KCNQ1OT1: variants seen among roughly 807,000 people sequenced by gnomAD.
KCNQ1OT1 encodes the protein KCNQ1 opposite strand/antisense transcript 1.
exon 1 of KCNQ1OT1, chr11:2,684,458 A>G: frequency 2.5e-6 from 1 of 398,654 alleles, no homozygotes; most frequent in Non-Finnish European, 4.4e-6. Context: ...TTTTGGCAAA[A>G]AGACTATGCT....
In KCNQ1OT1 at chr11:2,664,826, G is replaced by A; in HGVS notation, n.35169C>T. The stretch of plus-strand genomic sequence containing the variant: ...TTCCATTTTTCTTCAGCATTCTACT[G>A]ATGTTAAATGTATTACCATGCTGGG... On this transcript the variant is annotated non_coding_transcript_exon_variant, in exon 1 of 1. Coordinates refer to ENST00000597346, the Ensembl canonical transcript of KCNQ1OT1. The surrounding 1 kb of genome is among the most constrained non-coding windows in gnomAD (Gnocchi z 5.1). The A allele has an allele frequency of 5.0e-6, 2 of 398,684 alleles. No individual in the cohort carries two copies. Among genetic ancestry groups the A allele is most frequent in the Non-Finnish European group, 8.8e-6 (2 of 226,100 alleles). 24.7% of individuals were successfully genotyped at this position (398,684 alleles called of 1,614,324 possible).
rs1849769625 is a variant in KCNQ1OT1 at position 2,652,308 on chromosome 11, T to C, written n.47687A>G. ...CAAGGCTTCTCCCTCACTAATTGCTTTGATTATTGTGTGAAGTTAAGAACT... is the reference window on the plus strand; with the variant it reads ...CAAGGCTTCTCCCTCACTAATTGCTCTGATTATTGTGTGAAGTTAAGAACT... On this transcript the variant is annotated non_coding_transcript_exon_variant, in exon 1 of 1. Transcript: ENST00000597346. This position sits in a 1 kb window ranked among gnomAD's most constrained non-coding sequence, Gnocchi z 5.9. 1 of 398,526 alleles carries C rather than the reference T, an allele frequency of 2.5e-6. No individual in the cohort carries two copies. Among genetic ancestry groups the C allele is most frequent in the South Asian group, 1.3e-4 (1 of 7,864 alleles). 24.7% of individuals were successfully genotyped at this position (398,526 alleles called of 1,614,324 possible).
At position 2,632,139 on chromosome 11, in the gene KCNQ1OT1, C is replaced by T. The variant is rs570248409; in HGVS notation, n.67856G>A. 8.0e-4 allele frequency: 313 copies of T among 391,142 alleles called. No homozygotes were observed. The highest frequency in any genetic ancestry group is 6.1e-4 in the Non-Finnish European group (138 of 224,854). 24.2% of individuals were successfully genotyped at this position (391,142 alleles called of 1,614,324 possible). A position where few individuals can be genotyped will look rare whatever the true frequency, so the allele number is the denominator to read the frequency against. On this transcript the variant is annotated non_coding_transcript_exon_variant, in exon 1 of 1. Coordinates refer to ENST00000597346, the Ensembl canonical transcript of KCNQ1OT1. ...CAGAGCTTGCAGTGAGCCGAGATCG[C>T]GCCACTACACTCTAGCCTGGGCGAC...
In KCNQ1OT1 at chr11:2,659,007, T is replaced by C. The variant is rs1849902280; in HGVS notation, n.40988A>G. The C allele has an allele frequency of 2.5e-6, 1 of 398,664 alleles. No individual in the cohort carries two copies. 24.7% of individuals were successfully genotyped at this position (398,664 alleles called of 1,614,324 possible). ...AAACAGTGTTTTTGAAAGCAACATA[T>C]GCCAGCTCCTCCTCCTCCTTTCCTT... On this transcript the variant is annotated non_coding_transcript_exon_variant, in exon 1 of 1. Transcript: ENST00000597346. The surrounding 1 kb of genome is among the most constrained non-coding windows in gnomAD (Gnocchi z 4.3).
exon 1 of KCNQ1OT1, chr11:2,697,340 A>G (rs931900530): frequency 2.5e-6 from 1 of 398,514 alleles, no homozygotes; most frequent in African/African-American, 2.1e-5. Context: ...TATGAGCTAC[A>G]CTAAGTTTTA....
At position 2,613,597 on chromosome 11, in the gene KCNQ1OT1, T is replaced by C. The variant is rs140152372; in HGVS notation, n.86398A>G. 8.6e-4 allele frequency: 342 copies of C among 398,600 alleles called. 4 individuals are homozygous for C. In the East Asian group the frequency reaches 0.011, roughly 13 times the overall value. The allele number at this position is 398,600 out of a possible 1,614,324, so 24.7% of individuals were successfully genotyped here. ...TTTCTTTAATTAGCACTTTTCAATT[T>C]TATATTTCTTTGTCCAGTTTTATCA... On this transcript the variant is annotated non_coding_transcript_exon_variant, in exon 1 of 1. Coordinates refer to ENST00000597346, the Ensembl canonical transcript of KCNQ1OT1. The surrounding 1 kb of genome is among the most constrained non-coding windows in gnomAD (Gnocchi z 4.8).
At position 2,613,447 on chromosome 11, in the gene KCNQ1OT1, T is replaced by C. The variant is rs1323008776; in HGVS notation, n.86548A>G. On this transcript the variant is annotated non_coding_transcript_exon_variant, in exon 1 of 1. Transcript: ENST00000597346. The surrounding 1 kb of genome is among the most constrained non-coding windows in gnomAD (Gnocchi z 4.8). ...ATAGTGCATAGGGTTTTCTATGGAA[T>C]TCAAAATCAGATGAGCCTTCTTTGT... 7 of 398,496 alleles carry C rather than the reference T, an allele frequency of 1.8e-5. No individual in the cohort carries two copies. The highest frequency in any genetic ancestry group is 8.2e-5 in the African/African-American group (4 of 48,624). The allele number at this position is 398,496 out of a possible 1,614,324, so 24.7% of individuals were successfully genotyped here. A position where few individuals can be genotyped will look rare whatever the true frequency, so the allele number is the denominator to read the frequency against.
rs184504881 is a variant in KCNQ1OT1 at position 2,640,524 on chromosome 11, G to A, written n.59471C>T. On this transcript the variant is annotated non_coding_transcript_exon_variant, in exon 1 of 1. Coordinates refer to ENST00000597346, the Ensembl canonical transcript of KCNQ1OT1. The stretch of plus-strand genomic sequence containing the variant: ...TGGTCTTGAATTCCTGGGCTCAAGC[G>A]ATCCTTCTGCCTTGGCCCCCCAAAG... 172 of 397,198 alleles carry A rather than the reference G, an allele frequency of 4.3e-4. 1 individual carries two copies. The highest frequency in any genetic ancestry group is 4.9e-5 in the Non-Finnish European group (11 of 225,968). 24.6% of individuals were successfully genotyped at this position (397,198 alleles called of 1,614,324 possible). A position where few individuals can be genotyped will look rare whatever the true frequency, so the allele number is the denominator to read the frequency against.
Position 2,640,008 on chromosome 11 carries a change from G to T in KCNQ1OT1, n.59987C>A, listed in dbSNP as rs143627693. On this transcript the variant is annotated non_coding_transcript_exon_variant, in exon 1 of 1. Coordinates refer to ENST00000597346, the Ensembl canonical transcript of KCNQ1OT1. ...CATGGGCGTGGGACCCTCCGAGCCA[G>T]GCGCGGGATATAATCTCCTGGTGTG... 5.0e-3 allele frequency: 793 copies of T among 157,948 alleles called. 6 individuals carry two copies. The highest frequency in any genetic ancestry group is 0.043 in the South Asian group (209 of 4,894). The allele number at this position is 157,948 out of a possible 1,614,324, so 9.8% of individuals were successfully genotyped here.
rs187098462 is a variant in KCNQ1OT1 at position 2,649,229 on chromosome 11, G to A, written n.50766C>T. ...CTACATTCAAGATTGTTATCAATAG[G>A]TGAGGACTTACTCCTGTCATTTTAT... On this transcript the variant is annotated non_coding_transcript_exon_variant, in exon 1 of 1. Transcript: ENST00000597346. 1.3e-5 allele frequency: 5 copies of A among 398,080 alleles called. No individual in the cohort carries two copies. In the East Asian group the frequency reaches 1.4e-4, roughly 11 times the overall value. The allele number at this position is 398,080 out of a possible 1,614,324, so 24.7% of individuals were successfully genotyped here. A position where few individuals can be genotyped will look rare whatever the true frequency, so the allele number is the denominator to read the frequency against.
rs1048892425 is a variant in KCNQ1OT1 at position 2,609,626 on chromosome 11, T to C, written n.90369A>G. On this transcript the variant is annotated non_coding_transcript_exon_variant, in exon 1 of 1. Coordinates refer to ENST00000597346, the Ensembl canonical transcript of KCNQ1OT1. ...CATTATTGAAAGTGGAGTGTTGAAG[T>C]CTCCAACTACTATTGTTGAATTGGC... The C allele has an allele frequency of 5.5e-5, 22 of 398,302 alleles. No homozygotes were observed. The Admixed American group carries it at 8.8e-4, about 16-fold the overall frequency. 24.7% of individuals were successfully genotyped at this position (398,302 alleles called of 1,614,324 possible).
chr11:2,641,081 T>C, exon 1 of KCNQ1OT1: 1 of 398,524 alleles, frequency 2.5e-6, no homozygotes, highest in Non-Finnish European at 4.4e-6. Flanking sequence ...TACACTTAGG[T>C]TCCTGAGTCC....
exon 1 of KCNQ1OT1, chr11:2,699,970 G>C (rs574155310): frequency 2.5e-6 from 1 of 398,230 alleles, no homozygotes; most frequent in African/African-American, 2.1e-5. Flanking sequence ...GGAGGTCCGT[G>C]CTGAGGCGAC....
Position 2,670,199 on chromosome 11 carries a change from A to G in KCNQ1OT1, n.29796T>C. 2.5e-6 allele frequency: 1 copy of G among 398,602 alleles called. No homozygotes were observed. Among genetic ancestry groups the G allele is most frequent in the Non-Finnish European group, 4.4e-6 (1 of 226,078 alleles). 24.7% of individuals were successfully genotyped at this position (398,602 alleles called of 1,614,324 possible). A position where few individuals can be genotyped will look rare whatever the true frequency, so the allele number is the denominator to read the frequency against. ...GCACCCACATTAAAGCAGAGTGAAG[A>G]GCAGGGCGAGCTGTGTAGCTCACCT... is the stretch of plus-strand genomic sequence containing the variant. On this transcript the variant is annotated non_coding_transcript_exon_variant, in exon 1 of 1. Coordinates refer to ENST00000597346, the Ensembl canonical transcript of KCNQ1OT1. The surrounding 1 kb of genome is among the most constrained non-coding windows in gnomAD (Gnocchi z 4.9).
At chr11:2,610,911 G>T in exon 1 of KCNQ1OT1, 1 of 398,072 alleles carries the variant, frequency 2.5e-6, no homozygotes, top group African/African-American at 2.1e-5. Flanking sequence ...TAGTAGTTGG[G>T]TAATAGTTCA....
At chr11:2,688,120 G>T in exon 1 of KCNQ1OT1, 1 of 398,894 alleles carries the variant, frequency 2.5e-6, no homozygotes, top group Non-Finnish European at 4.4e-6. Context: ...GTGGGGGTGG[G>T]GATACAGGCT....
At chr11:2,646,856 T>C (rs1205448706) in exon 1 of KCNQ1OT1, 3 of 398,556 alleles carry the variant, frequency 7.5e-6, no homozygotes, top group African/African-American at 4.1e-5. Context: ...CCTGCAACTT[T>C]ATTGAATTCC....
At chr11:2,680,272 T>C (rs980969667) in exon 1 of KCNQ1OT1, 27 of 398,328 alleles carry the variant, frequency 6.8e-5, no homozygotes, top group East Asian at 1.1e-4. Flanking sequence ...GCATTTGTTA[T>C]TGAAACTTCA....
rs74934380 is a variant in KCNQ1OT1, at chr11:2,619,424, G to A, written n.80571C>T. 723 of 398,592 alleles carry A rather than the reference G, an allele frequency of 1.8e-3. 14 individuals are homozygous for A. In the East Asian group the frequency reaches 0.025, roughly 14 times the overall value. 24.7% of individuals were successfully genotyped at this position (398,592 alleles called of 1,614,324 possible). On this transcript the variant is annotated non_coding_transcript_exon_variant, in exon 1 of 1. Coordinates refer to ENST00000597346, the Ensembl canonical transcript of KCNQ1OT1. The stretch of plus-strand genomic sequence containing the variant: ...CAAATACTTTTTGTGTGTCAATTGA[G>A]ATGATCATGTGGTTTTCATCTTTCA...
Sources: allele counts gnomAD v4.1 joint callset, GRCh38; gene constraint gnomAD v4.1.1; non-coding constraint Gnocchi (gnomAD v3.1); transcripts MANE v1.5; gene names NCBI Gene and HGNC (gene_info 2026-07-23, HGNC 2026-07-21).